Variants in CDIN1 observed in about 807,000 individuals in gnomAD.
CDIN1 encodes CDAN1-interacting nuclease 1.
A neutral mutation model predicts 45.3 loss-of-function variants in CDIN1; 33 were observed. The observed-to-expected ratio is 0.73, with a 90% CI of 0.55 to 0.97. The LOEUF (loss-of-function observed/expected upper bound fraction) is 0.97. Ranked by LOEUF, CDIN1 falls within the 50% of genes least tolerant of loss-of-function variation. The pLI, the probability that CDIN1 is intolerant of heterozygous loss-of-function variation, is 0.00. For missense variants in CDIN1, 303 were observed against 339.4 expected (o/e 0.89, Z 0.84); for synonymous variants, 118 against 124.4 (o/e 0.95, Z 0.34).
At position 36,613,718 on chromosome 15, in the gene CDIN1, G is replaced by C. The variant is rs2038757864; in HGVS notation, c.102-30560G>C. The C allele has an allele frequency of 3.2e-6, 5 of 1,549,628 alleles. No individual in the cohort carries two copies. In the South Asian group the frequency reaches 3.3e-5, roughly 10 times the overall value. On this transcript the variant is annotated intron_variant, in intron 1 of 10. Transcript: ENST00000566621. The stretch of plus-strand genomic sequence containing the variant: ...GCAAAAGCTAGAAGAAGCGGAAAAA[G>C]CTGCTGATGAGAGTGAGACAGGTAT...
chr15:36,759,190 A>G (rs1295804641), intron 10 of CDIN1, among the ~76,000 whole-genome samples: 1 of 152,070 alleles, frequency 6.6e-6, no homozygotes, highest in Non-Finnish European at 1.5e-5. Context: ...ATCAGGAGCA[A>G]TTGAGGAGTC....
Position 36,754,689 on chromosome 15 carries a change from A to G in CDIN1, c.716+44728A>G, listed in dbSNP as rs1348641797. 2.6e-5 allele frequency among the ~76,000 whole-genome samples: 4 copies of G among 151,932 alleles called. No individual in the cohort carries two copies. The East Asian group carries it at 7.7e-4, about 29-fold the overall frequency. On this transcript the variant is annotated intron_variant, in intron 10 of 10. Coordinates refer to ENST00000566621, the MANE Select transcript of CDIN1 (RefSeq NM_001321759.2). ...GTTTTGTATATACAGTCATCATGATATTTGAAAAGGCCATAAAGAAAAACA... is the reference window on the plus strand; with the variant it reads ...GTTTTGTATATACAGTCATCATGATGTTTGAAAAGGCCATAAAGAAAAACA...
At chr15:36,772,527 C>G (rs1455371492) in intron 10 of CDIN1, among the ~76,000 whole-genome samples, 1 of 152,192 alleles carries the variant, frequency 6.6e-6, no homozygotes, top group Non-Finnish European at 1.5e-5. Context: ...ATAGCCCAGC[C>G]TCAGGGCAGT....
intron 10 of CDIN1, among the ~76,000 whole-genome samples, chr15:36,803,929 ACT>A (rs2055135091): frequency 6.6e-6 from 1 of 152,018 alleles, no homozygotes; most frequent in Non-Finnish European, 1.5e-5. Flanking sequence ...AAGGACATTG[ACT>A]CTCTTTTTCT....
Position 36,808,319 on chromosome 15 carries a change from TA to T in CDIN1, c.717-4del. On this transcript the variant is annotated splice_region_variant and splice_polypyrimidine_tract_variant and intron_variant, in intron 10 of 10. Transcript: ENST00000566621. ...TGTGTGTGTTATTTTCTGGTGTTTTTACAGATTTGGGCCAGGCTTAGTCATC... is the reference window on the plus strand; with the variant it reads ...TGTGTGTGTTATTTTCTGGTGTTTTTCAGATTTGGGCCAGGCTTAGTCATC... 2 of 1,613,268 alleles carry T rather than the reference TA, an allele frequency of 1.2e-6. No homozygotes were observed. Among genetic ancestry groups the T allele is most frequent in the Non-Finnish European group, 1.7e-6 (2 of 1,179,400 alleles).
chr15:36,715,271 C>G (rs560028281), intron 10 of CDIN1, among the ~76,000 whole-genome samples: 2 of 152,110 alleles, frequency 1.3e-5, no homozygotes, highest in African/African-American at 2.4e-5. Flanking sequence ...TACCTTCTGC[C>G]ACAGAATTGA....
chr15:36,718,925 T>G (rs1288445435), intron 10 of CDIN1, among the ~76,000 whole-genome samples: 1 of 149,926 alleles, frequency 6.7e-6, no homozygotes, highest in Non-Finnish European at 1.5e-5. Context: ...CTTTTCACCA[T>G]TAAGAATGAT....
At chr15:36,631,567 A>G (rs2039681409) in intron 1 of CDIN1, among the ~76,000 whole-genome samples, 1 of 152,238 alleles carries the variant, frequency 6.6e-6, no homozygotes, top group South Asian at 2.1e-4. Flanking sequence ...TATCTGAGTC[A>G]TAGCATATAT....
At chr15:36,779,296 C>T (rs1050035972) in intron 10 of CDIN1, among the ~76,000 whole-genome samples, 40 of 152,292 alleles carry the variant, frequency 2.6e-4, no homozygotes, top group Admixed American at 2.2e-3. Flanking sequence ...TGCTCTAGCT[C>T]GCACAGTTTT....
chr15:36,725,853 T>A (rs2043603956), intron 10 of CDIN1, among the ~76,000 whole-genome samples: 1 of 151,266 alleles, frequency 6.6e-6, no homozygotes, highest in Admixed American at 6.6e-5. Flanking sequence ...CTAAGTGCTT[T>A]AAAAAAAAAT....
At chr15:36,596,118 A>T (rs1451047285) in intron 1 of CDIN1, among the ~76,000 whole-genome samples, 1 of 152,186 alleles carries the variant, frequency 6.6e-6, no homozygotes, top group African/African-American at 2.4e-5. Context: ...AGGAAACTCA[A>T]ACAAAATAAT....
intron 5 of CDIN1, among the ~76,000 whole-genome samples, chr15:36,660,968 A>G (rs1347982782): frequency 6.6e-6 from 1 of 152,176 alleles, no homozygotes; most frequent in African/African-American, 2.4e-5. Flanking sequence ...TCTCTTCCTC[A>G]TGAAATCTGA....
intron 1 of CDIN1, among the ~76,000 whole-genome samples, chr15:36,589,561 A>G (rs970655446): frequency 2.0e-5 from 3 of 151,196 alleles, no homozygotes; most frequent in Non-Finnish European, 4.4e-5. Flanking sequence ...GCTGGAGTGC[A>G]GTGGCGCCAT....
chr15:36,579,992 C>G, intron 1 of CDIN1, 31 bp downstream of exon 1: 3 of 1,591,128 alleles, frequency 1.9e-6, no homozygotes, highest in Non-Finnish European at 2.6e-6. Flanking sequence ...TCTCACAGCC[C>G]TTTGCCTGCA....
chr15:36,686,135 C>T lies in CDIN1; in HGVS notation c.347-5550C>T, dbSNP rs1030994418. ...CGTATGTTTATTGTGGCACTATTCACGATAGCAAAGACTTGGAACCAAGCC... is the reference window on the plus strand; with the variant it reads ...CGTATGTTTATTGTGGCACTATTCATGATAGCAAAGACTTGGAACCAAGCC... On this transcript the variant is annotated intron_variant, in intron 5 of 10. Transcript: ENST00000566621. 1.5e-4 allele frequency among the ~76,000 whole-genome samples: 23 copies of T among 152,014 alleles called. 1 individual carries two copies. Among genetic ancestry groups the T allele is most frequent in the Admixed American group, 6.6e-4 (10 of 15,262 alleles).
intron 10 of CDIN1, among the ~76,000 whole-genome samples, chr15:36,793,259 T>C (rs1213896505): frequency 6.6e-6 from 1 of 152,142 alleles, no homozygotes; most frequent in Non-Finnish European, 1.5e-5. Flanking sequence ...AGGAGCTGGG[T>C]TCATGTTATC....
At chr15:36,644,450 A>G in intron 2 of CDIN1, 127 bp downstream of exon 2, 2 of 933,966 alleles carry the variant, frequency 2.1e-6, no homozygotes, top group Non-Finnish European at 3.2e-6. Context: ...TTCCACATCA[A>G]GCACCGCCTG....
At chr15:36,751,809 A>G (rs934798029) in intron 10 of CDIN1, among the ~76,000 whole-genome samples, 5 of 152,228 alleles carry the variant, frequency 3.3e-5, no homozygotes, top group African/African-American at 1.2e-4. Flanking sequence ...ATGGAATACT[A>G]TGCAGCCATA....
At chr15:36,724,802 G>C (rs2043561754) in intron 10 of CDIN1, among the ~76,000 whole-genome samples, 3 of 152,134 alleles carry the variant, frequency 2.0e-5, no homozygotes, top group Admixed American at 1.3e-4. Flanking sequence ...TCTTGCATTT[G>C]AACATTTATA....
Sources: gnomAD v4.1 joint callset for allele counts (sites outside exome capture counted in the v4.1 genomes callset) on GRCh38, gnomAD v4.1.1 for gene constraint, MANE v1.5 for transcripts, NCBI Gene and HGNC (gene_info 2026-07-23, HGNC 2026-07-21) for gene names.